KLHL1: variants seen among roughly 807,000 people sequenced by gnomAD.
KLHL1 encodes kelch like family member 1.
Under a neutral mutation model 77.7 loss-of-function variants are expected in KLHL1, and 47 were observed. The ratio of observed to expected loss-of-function variants is 0.60; its 90% CI spans 0.48 to 0.77. The LOEUF is 0.77. KLHL1 is among the 30% of genes least tolerant of loss of function. The pLI is 0.00. For missense variants in KLHL1, 925 were observed against 910.8 expected (o/e 1.02, Z -0.20); for synonymous variants, 360 against 325.2 (o/e 1.11, Z -1.15).
intron 4 of KLHL1, among the ~76,000 whole-genome samples, chr13:69,914,767 C>T (rs192324902): frequency 7.2e-5 from 11 of 152,256 alleles, no homozygotes; most frequent in African/African-American, 2.6e-4. Context: ...AAACAATCTA[C>T]AATCCTTTCC....
At chr13:69,921,607 C>T (rs1009249213) in intron 4 of KLHL1, among the ~76,000 whole-genome samples, 2 of 152,122 alleles carry the variant, frequency 1.3e-5, no homozygotes, top group East Asian at 1.9e-4. Context: ...TTCCTGTTTC[C>T]ACCTATTCTA....
chr13:69,899,590 G>T (rs772074385), intron 4 of KLHL1, among the ~76,000 whole-genome samples: 3 of 152,154 alleles, frequency 2.0e-5, no homozygotes, highest in African/African-American at 7.2e-5. Context: ...TGTAGGCAAA[G>T]CTGTGAACAG....
Position 70,055,946 on chromosome 13 carries a change from A to G in KLHL1, c.497+51257T>C, listed in dbSNP as rs997225385. ...ACAACCAGAAAACAAATAACAAAAC[A>G]AACTAACACTAATAAGTCCTTACTT... On this transcript the variant is annotated intron_variant, in intron 1 of 10. Transcript: ENST00000377844. 2.6e-5 allele frequency among the ~76,000 whole-genome samples: 4 copies of G among 152,090 alleles called. No homozygotes were observed. The South Asian group carries it at 6.2e-4, about 24-fold the overall frequency.
intron 1 of KLHL1, among the ~76,000 whole-genome samples, chr13:69,990,649 A>T (rs2137312318): frequency 6.6e-6 from 1 of 152,140 alleles, no homozygotes; most frequent in African/African-American, 2.4e-5. Flanking sequence ...CACCCAACAC[A>T]GGTACACTGA....
intron 1 of KLHL1, among the ~76,000 whole-genome samples, chr13:70,081,895 A>T (rs1392541721): frequency 4.6e-5 from 7 of 151,870 alleles, no homozygotes; most frequent in Non-Finnish European, 8.8e-5. Context: ...TTGGTCACTG[A>T]TATTTGGATT....
intron 2 of KLHL1, among the ~76,000 whole-genome samples, chr13:69,965,427 A>T (rs1050983986): frequency 1.3e-5 from 2 of 152,154 alleles, no homozygotes; most frequent in African/African-American, 4.8e-5. Flanking sequence ...CAATAAACTC[A>T]GTAAGTATAG....
At chr13:69,853,815 A>G (rs1045370743) in intron 5 of KLHL1, among the ~76,000 whole-genome samples, 8 of 152,004 alleles carry the variant, frequency 5.3e-5, no homozygotes, top group African/African-American at 1.9e-4. Context: ...TTGCATCCAT[A>G]TTTCATTTGT....
intron 5 of KLHL1, among the ~76,000 whole-genome samples, chr13:69,858,787 A>G (rs1274666147): frequency 1.3e-5 from 2 of 152,106 alleles, no homozygotes; most frequent in Non-Finnish European, 2.9e-5. Flanking sequence ...AACTTAAGCA[A>G]TAATGATAAG....
rs71116979 is a variant in KLHL1 at position 70,024,620 on chromosome 13, T to TTCTCTCTCTCTCTCTCTTTCTCTCTC, written c.498-48819_498-48818insGAGAGAGAAAGAGAGAGAGAGAGAGA. 6.1e-5 allele frequency among the ~76,000 whole-genome samples: 8 copies of TTCTCTCTCTCTCTCTCTTTCTCTCTC among 130,402 alleles called. No homozygotes were observed. The East Asian group carries it at 1.1e-3, about 18-fold the overall frequency. The allele number at this position is 130,402 out of a possible 152,430, so 85.5% of individuals were successfully genotyped here. On this transcript the variant is annotated intron_variant, in intron 1 of 10. Transcript: ENST00000377844. ...CTGGTTAGGGGTGAGGAGAAAAGAT[T>TTCTCTCTCTCTCTCTCTTTCTCTCTC]TCTCTCTCTCTCTCTCTCTCTCTCT...
intron 7 of KLHL1, among the ~76,000 whole-genome samples, chr13:69,782,132 CTT>C (rs201554162): frequency 0.012 from 1,761 of 152,290 alleles, 35 homozygotes; most frequent in African/African-American, 0.039. Flanking sequence ...TAAGCTCTCT[CTT>C]GGAAGATGAA....
At position 69,882,279 on chromosome 13, in the gene KLHL1, T is replaced by C. The variant is rs760318693; in HGVS notation, c.1227+4A>G. ...TCTATTTAAACAGCGTCACACATCATTACCTGTGGTGGAAGCAGTGGCAGT... is the reference window on the plus strand; with the variant it reads ...TCTATTTAAACAGCGTCACACATCACTACCTGTGGTGGAAGCAGTGGCAGT... On this transcript the variant is annotated splice_donor_region_variant and intron_variant, in intron 5 of 10. Coordinates refer to ENST00000377844, the MANE Select transcript of KLHL1 (RefSeq NM_020866.3). 1 of 1,598,006 alleles carries C rather than the reference T, an allele frequency of 6.3e-7. No individual in the cohort carries two copies. Among genetic ancestry groups the C allele is most frequent in the African/African-American group, 1.3e-5 (1 of 74,678 alleles).
chr13:69,733,521 AAG>A (rs1340576883), intron 8 of KLHL1, among the ~76,000 whole-genome samples: 2 of 152,206 alleles, frequency 1.3e-5, no homozygotes, highest in South Asian at 2.1e-4. Flanking sequence ...CAAAATGAAA[AAG>A]AGAACACACA....
At chr13:69,923,450 A>G (rs995183441) in intron 4 of KLHL1, among the ~76,000 whole-genome samples, 3 of 152,140 alleles carry the variant, frequency 2.0e-5, no homozygotes, top group Admixed American at 6.5e-5. Flanking sequence ...ATTGCAGGGA[A>G]AGCACAGAAT....
chr13:70,099,914 C>T (rs560995495), intron 1 of KLHL1, among the ~76,000 whole-genome samples: 1 of 151,936 alleles, frequency 6.6e-6, no homozygotes, highest in South Asian at 2.1e-4. Context: ...TATTCTTATA[C>T]TTATATAGCA....
At chr13:69,979,048 T>G (rs1435924712) in intron 1 of KLHL1, among the ~76,000 whole-genome samples, 1 of 152,098 alleles carries the variant, frequency 6.6e-6, no homozygotes, top group East Asian at 1.9e-4. Flanking sequence ...GATAGTACCT[T>G]CTTTTATCTA....
chr13:69,997,816 T>TTA (rs749802577), intron 1 of KLHL1, among the ~76,000 whole-genome samples: 8 of 149,110 alleles, frequency 5.4e-5, no homozygotes, highest in Non-Finnish European at 1.0e-4. Flanking sequence ...CTATTCTTTA[T>TTA]TATATATATA....
At chr13:69,704,697 A>G (rs994543412) in intron 10 of KLHL1, among the ~76,000 whole-genome samples, 1 of 151,672 alleles carries the variant, frequency 6.6e-6, no homozygotes, top group Non-Finnish European at 1.5e-5. Context: ...TGTTTAAGAA[A>G]AGTTTTCCTT....
At chr13:69,789,251 CT>C (rs1192706748) in intron 7 of KLHL1, among the ~76,000 whole-genome samples, 1 of 150,412 alleles carries the variant, frequency 6.6e-6, no homozygotes, top group African/African-American at 2.4e-5. Flanking sequence ...TTTAAAATTA[CT>C]TTTTTAAATT....
rs1885209515 is a variant in KLHL1, at chr13:69,998,419, TAAGA to T, written c.498-22621_498-22618del. Among the ~76,000 whole-genome samples, 4 of 152,194 alleles carry T rather than the reference TAAGA, an allele frequency of 2.6e-5. No homozygotes were observed. The South Asian group carries it at 8.3e-4, about 32-fold the overall frequency. ...TAAACATTGTCTGAGAGTCATCTCC[TAAGA>T]GAGAATGGGGACTAGGAATCAACTG... is the stretch of plus-strand genomic sequence containing the variant. On this transcript the variant is annotated intron_variant, in intron 1 of 10. Transcript: ENST00000377844.
Sources: gnomAD v4.1 joint callset for allele counts (sites outside exome capture counted in the v4.1 genomes callset) on GRCh38, gnomAD v4.1.1 for gene constraint, MANE v1.5 for transcripts, NCBI Gene and HGNC (gene_info 2026-07-23, HGNC 2026-07-21) for gene names.